KPNA5: variants seen among roughly 807,000 people sequenced by gnomAD.
KPNA5 encodes karyopherin subunit alpha 5.
Under a neutral mutation model 71.3 loss-of-function variants are expected in KPNA5, and 46 were observed. That is an observed-to-expected ratio of 0.65 (90% confidence interval 0.51 to 0.83). The LOEUF is 0.83. KPNA5 is among the 40% of genes least tolerant of loss of function. KPNA5 has a pLI of 0.00. For synonymous variants in KPNA5, 207 were observed against 201.4 expected (o/e 1.03, Z -0.24); for missense variants, 547 against 628.3 (o/e 0.87, Z 1.38).
intron 7 of KPNA5, among the ~76,000 whole-genome samples, chr6:116,708,722 T>G (rs562818885): frequency 6.6e-6 from 1 of 152,320 alleles, no homozygotes; most frequent in East Asian, 1.9e-4. Context: ...CTTAATTTCT[T>G]TTTTGACTTG....
chr6:116,693,896 C>G (rs1471284114), intron 4 of KPNA5, among the ~76,000 whole-genome samples: 3 of 152,006 alleles, frequency 2.0e-5, no homozygotes, highest in East Asian at 1.9e-4. Flanking sequence ...TTTAATCCAT[C>G]TTGAATTAAT....
At chr6:116,722,375 A>C in intron 9 of KPNA5, 86 bp downstream of exon 9, 1 of 1,057,770 alleles carries the variant, frequency 9.5e-7, no homozygotes, top group Non-Finnish European at 1.3e-6. Context: ...ATATCTCAAG[A>C]GTCACTGTCT....
intron 7 of KPNA5, among the ~76,000 whole-genome samples, chr6:116,707,802 T>C (rs931510426): frequency 1.3e-5 from 2 of 152,260 alleles, no homozygotes; most frequent in Non-Finnish European, 2.9e-5. Context: ...TTTTAAAGTA[T>C]ACAATTTAGT....
At chr6:116,702,371 A>T (rs1451983168) in intron 6 of KPNA5, among the ~76,000 whole-genome samples, 5 of 152,174 alleles carry the variant, frequency 3.3e-5, no homozygotes. Flanking sequence ...CATAGGAATT[A>T]CTATTCCTGT....
intron 13 of KPNA5, among the ~76,000 whole-genome samples, chr6:116,730,048 T>C (rs1218773311): frequency 6.7e-6 from 1 of 149,722 alleles, no homozygotes; most frequent in Admixed American, 6.7e-5. Flanking sequence ...GGCCACATAA[T>C]GTTATGTATA....
intron 8 of KPNA5, among the ~76,000 whole-genome samples, chr6:116,721,669 A>G (rs1410443757): frequency 6.6e-6 from 1 of 152,170 alleles, no homozygotes; most frequent in African/African-American, 2.4e-5. Context: ...AGTACCCTTC[A>G]CAAATATATT....
rs908297312 is a variant in KPNA5, at chr6:116,728,869, T to C, written c.1254-694T>C. Among the ~76,000 whole-genome samples, 10 of 152,196 alleles carry C rather than the reference T, an allele frequency of 6.6e-5. No homozygotes were observed. The East Asian group carries it at 1.2e-3, about 18-fold the overall frequency. ...TTTAACCTTTGTACTTAATATGGAC[T>C]TTTTGCCAAGTGAACAAATCAGTTA... is the stretch of plus-strand genomic sequence containing the variant. On this transcript the variant is annotated intron_variant, in intron 12 of 13. Transcript: ENST00000368564.
chr6:116,724,675 T>G (rs1479779500), intron 10 of KPNA5, among the ~76,000 whole-genome samples: 1 of 152,128 alleles, frequency 6.6e-6, no homozygotes, highest in Non-Finnish European at 1.5e-5. Context: ...ACTGCAGCCT[T>G]TACCTCCCTG....
intron 2 of KPNA5, among the ~76,000 whole-genome samples, chr6:116,690,077 A>C (rs1290866412): frequency 1.3e-5 from 2 of 151,654 alleles, no homozygotes; most frequent in South Asian, 4.2e-4. Flanking sequence ...GAAAAGGCCT[A>C]TTCTCTTCTA....
intron 13 of KPNA5, among the ~76,000 whole-genome samples, chr6:116,730,080 T>C (rs969817130): frequency 2.1e-4 from 31 of 145,070 alleles, no homozygotes; most frequent in Non-Finnish European, 4.3e-4. Flanking sequence ...TATAAAAATA[T>C]GTAATTTTTT....
Position 116,735,413 on chromosome 6 carries a change from C to G in KPNA5, c.*3090C>G, listed in dbSNP as rs947539676. On this transcript the variant is annotated 3_prime_UTR_variant, in exon 14 of 14. Transcript: ENST00000368564. ...TGCGAAACTGTGAAATCAAATTGTTCTTAACCTTTATTCAGTTTAGTTTAT... is the reference window on the plus strand; with the variant it reads ...TGCGAAACTGTGAAATCAAATTGTTGTTAACCTTTATTCAGTTTAGTTTAT... The G allele has an allele frequency of 2.8e-4, 43 of 151,618 alleles. No individual in the cohort carries two copies. Among genetic ancestry groups the G allele is most frequent in the Admixed American group, 2.8e-3 (42 of 15,154 alleles). The allele number at this position is 151,618 out of a possible 1,614,324, so 9.4% of individuals were successfully genotyped here.
chr6:116,735,804 A>G lies in KPNA5; in HGVS notation c.*3481A>G, dbSNP rs987851013. Reference sequence around the variant, plus strand: ...CTAATCCAAAACTAGACAGAAAAAGAGAAAAAACAAATGAAGATGGAACAA... The same window carrying G: ...CTAATCCAAAACTAGACAGAAAAAGGGAAAAAACAAATGAAGATGGAACAA... On this transcript the variant is annotated 3_prime_UTR_variant, in exon 14 of 14. Transcript: ENST00000368564. 6.6e-6 allele frequency: 1 copy of G among 151,960 alleles called. No homozygotes were observed. The highest frequency in any genetic ancestry group is 3.4e-3 in the Middle Eastern group (1 of 294). The allele number at this position is 151,960 out of a possible 1,614,324, so 9.4% of individuals were successfully genotyped here.
rs536842600 is a variant in KPNA5 at position 116,727,947 on chromosome 6, AAAAC to A, written c.1253+1328_1253+1331del. Among the ~76,000 whole-genome samples, 552 of 152,280 alleles carry A rather than the reference AAAAC, an allele frequency of 3.6e-3. 1 individual carries two copies. The highest frequency in any genetic ancestry group is 0.013 in the African/African-American group (535 of 41,582). Reference sequence around the variant, plus strand: ...ATATTTGATTTATTTTTCAATTTATAAAACAAGTCAAACTACAGTGCTATTTTAT... The same window carrying A: ...ATATTTGATTTATTTTTCAATTTATAAAGTCAAACTACAGTGCTATTTTAT... On this transcript the variant is annotated intron_variant, in intron 12 of 13. Coordinates refer to ENST00000368564, the MANE Select transcript of KPNA5 (RefSeq NM_001366306.2).
chr6:116,689,524 A>G lies in KPNA5; in HGVS notation c.138+71A>G, dbSNP rs1340437047. On this transcript the variant is annotated intron_variant, in intron 2 of 13. Transcript: ENST00000368564. Reference sequence around the variant, plus strand: ...ATTTGCTAATTATTGGATAATTTTAAATGGAAATGTTTTAAGAAATTGAAT... The same window carrying G: ...ATTTGCTAATTATTGGATAATTTTAGATGGAAATGTTTTAAGAAATTGAAT... 3 of 1,268,940 alleles carry G rather than the reference A, an allele frequency of 2.4e-6. No individual in the cohort carries two copies. In the African/African-American group the frequency reaches 4.6e-5, roughly 20 times the overall value. 78.6% of individuals were successfully genotyped at this position (1,268,940 alleles called of 1,614,324 possible). A position where few individuals can be genotyped will look rare whatever the true frequency, so the allele number is the denominator to read the frequency against.
intron 6 of KPNA5, among the ~76,000 whole-genome samples, chr6:116,704,594 CT>C (rs34559060): frequency 2.0e-4 from 29 of 147,294 alleles, no homozygotes; most frequent in Non-Finnish European, 2.0e-4. Context: ...GCAAGGAAAA[CT>C]TTTTTTTTTT....
At chr6:116,704,959 T>G (rs939734482) in intron 6 of KPNA5, 113 bp from the exon 7 acceptor site, 11 of 635,676 alleles carry the variant, frequency 1.7e-5, no homozygotes, top group Non-Finnish European at 2.6e-5. Context: ...TCTACTGTTT[T>G]TTTTTAACAT....
At chr6:116,728,983 A>G (rs1198040848) in intron 12 of KPNA5, among the ~76,000 whole-genome samples, 1 of 152,150 alleles carries the variant, frequency 6.6e-6, no homozygotes, top group Non-Finnish European at 1.5e-5. Context: ...TGTGAATATT[A>G]TTTATGAACA....
intron 11 of KPNA5, 91 bp from the exon 12 acceptor site, chr6:116,726,404 C>A: frequency 1.0e-6 from 1 of 1,003,138 alleles, no homozygotes; most frequent in Non-Finnish European, 1.4e-6. Context: ...AAAACCTTGA[C>A]ATTTTGAAGC....
chr6:116,701,345 T>G (rs545356419), intron 5 of KPNA5, among the ~76,000 whole-genome samples: 7 of 152,242 alleles, frequency 4.6e-5, no homozygotes, highest in Admixed American at 6.5e-5. Context: ...AGTAATTCAC[T>G]AGTTCATTGT....
Sources: gnomAD v4.1 joint callset for allele counts (sites outside exome capture counted in the v4.1 genomes callset) on GRCh38, gnomAD v4.1.1 for gene constraint, MANE v1.5 for transcripts, NCBI Gene and HGNC (gene_info 2026-07-23, HGNC 2026-07-21) for gene names.